NPR3: variants seen among roughly 807,000 people sequenced by gnomAD.
NPR3 encodes the protein natriuretic peptide receptor 3, also known as atrial natriuretic peptide receptor 3.
In NPR3, 34 loss-of-function variants were observed where a neutral mutation model predicts 54.5. The ratio of observed to expected loss-of-function variants is 0.62; its 90% CI spans 0.47 to 0.83. The LOEUF is 0.83. NPR3 is among the 40% of genes least tolerant of loss of function. The probability of loss-of-function intolerance (pLI) is 0.00; values close to 1 mark genes in which losing one functional copy is unlikely to be tolerated. For synonymous variants in NPR3, 289 were observed against 297.1 expected (o/e 0.97, Z 0.28); for missense variants, 674 against 720.8 (o/e 0.94, Z 0.74).
chr5:32,773,525 T>C (rs1741879320), intron 3 of NPR3, among the ~76,000 whole-genome samples: 1 of 152,132 alleles, frequency 6.6e-6, no homozygotes, highest in Admixed American at 6.5e-5. Flanking sequence ...GAGCAAAACA[T>C]TTGCACTTCC....
chr5:32,722,508 A>G (rs1738917531), intron 1 of NPR3, among the ~76,000 whole-genome samples: 1 of 152,206 alleles, frequency 6.6e-6, no homozygotes, highest in South Asian at 2.1e-4. Flanking sequence ...ACTTGCCCCT[A>G]AGCAATGACT....
chr5:32,767,143 C>T (rs1741515928), intron 3 of NPR3, among the ~76,000 whole-genome samples: 1 of 152,176 alleles, frequency 6.6e-6, no homozygotes, highest in Non-Finnish European at 1.5e-5. Flanking sequence ...GTAGAGCCAC[C>T]CAAGTATTGG....
Position 32,790,722 on chromosome 5 carries a change from C to T in NPR3, c.*4377C>T, listed in dbSNP as rs534742303. On this transcript the variant is annotated 3_prime_UTR_variant, in exon 8 of 8. Coordinates refer to ENST00000265074, the MANE Select transcript of NPR3 (RefSeq NM_001204375.2). ...ATTAACCACTAATGTTAATTCATAC[C>T]AAATGCAAAGTATTCTAAACCAGCT... is the stretch of plus-strand genomic sequence containing the variant. 1.0e-4 allele frequency: 17 copies of T among 166,862 alleles called. No homozygotes were observed. The highest frequency in any genetic ancestry group is 4.1e-4 in the African/African-American group (17 of 41,518). The allele number at this position is 166,862 out of a possible 1,614,324, so 10.3% of individuals were successfully genotyped here.
chr5:32,697,832 T>G (rs1350065411), intron 1 of NPR3, among the ~76,000 whole-genome samples: 1 of 152,150 alleles, frequency 6.6e-6, no homozygotes, highest in Non-Finnish European at 1.5e-5. Context: ...GTATTGATTG[T>G]AATGTCTCCT....
chr5:32,790,397 A>G lies in NPR3; in HGVS notation c.*4052A>G, dbSNP rs1300127600. 6.0e-6 allele frequency: 1 copy of G among 167,266 alleles called. No individual in the cohort carries two copies. The highest frequency in any genetic ancestry group is 1.5e-5 in the Non-Finnish European group (1 of 68,198). The allele number at this position is 167,266 out of a possible 1,614,324, so 10.4% of individuals were successfully genotyped here. On this transcript the variant is annotated 3_prime_UTR_variant, in exon 8 of 8. Transcript: ENST00000265074. ...AGCATCACTCCAAGGATGTGTCAGCATCTTGCCCATGCAGGTAGAAATTTG... is the reference window on the plus strand; with the variant it reads ...AGCATCACTCCAAGGATGTGTCAGCGTCTTGCCCATGCAGGTAGAAATTTG...
chr5:32,695,604 C>A (rs956240586), intron 1 of NPR3, among the ~76,000 whole-genome samples: 2 of 152,186 alleles, frequency 1.3e-5, no homozygotes, highest in Admixed American at 6.5e-5. Context: ...CCAACCTGTT[C>A]TCCATAGTGG....
chr5:32,732,969 C>T (rs760384357), intron 2 of NPR3, among the ~76,000 whole-genome samples: 7 of 152,082 alleles, frequency 4.6e-5, no homozygotes, highest in Non-Finnish European at 7.4e-5. Context: ...CTCAGCCTCC[C>T]GACTAGCTGG....
chr5:32,762,429 A>G (rs569297322), intron 3 of NPR3, among the ~76,000 whole-genome samples: 2 of 129,430 alleles, frequency 1.5e-5, no homozygotes, highest in African/African-American at 5.0e-5. Flanking sequence ...AGGCATTCCT[A>G]TTTCTCCACA....
upstream of NPR3, among the ~76,000 whole-genome samples, chr5:32,705,474 G>A (rs1049212350): frequency 6.6e-6 from 1 of 152,214 alleles, no homozygotes; most frequent in African/African-American, 2.4e-5. Flanking sequence ...TCAGCTTCTG[G>A]GGAGACCTCA....
intron 1 of NPR3, among the ~76,000 whole-genome samples, chr5:32,715,104 T>C (rs1476457140): frequency 4.6e-5 from 7 of 152,328 alleles, no homozygotes; most frequent in African/African-American, 1.7e-4. Context: ...GGTGAGGCCA[T>C]GCCATGGGAA....
chr5:32,717,373 T>A (rs1238508501), intron 1 of NPR3, among the ~76,000 whole-genome samples: 1 of 152,204 alleles, frequency 6.6e-6, no homozygotes, highest in Non-Finnish European at 1.5e-5. Context: ...TACCCAGTAA[T>A]GGGATTGCTG....
At chr5:32,732,930 T>C (rs1579623821) in intron 2 of NPR3, among the ~76,000 whole-genome samples, 1 of 152,266 alleles carries the variant, frequency 6.6e-6, no homozygotes, top group African/African-American at 2.4e-5. Context: ...CTGCAACCTC[T>C]GCCTCCTATG....
chr5:32,708,747 G>A (rs1738062425), upstream of NPR3, among the ~76,000 whole-genome samples: 1 of 152,154 alleles, frequency 6.6e-6, no homozygotes. Context: ...TTGATGGAAA[G>A]TAAACAAACC....
chr5:32,786,161 G>A (rs373823678), intron 7 of NPR3, 73 bp from the exon 8 acceptor site: 23 of 663,940 alleles, frequency 3.5e-5, no homozygotes, highest in Middle Eastern at 5.0e-4. Context: ...TCCCTTGAGG[G>A]CACTCTTTGT....
At chr5:32,713,600 C>T (rs1738385562) in intron 1 of NPR3, 1 of 496,638 alleles carries the variant, frequency 2.0e-6, no homozygotes, top group African/African-American at 2.1e-5. Context: ...GCAAAGCTCC[C>T]CGAGACCCCA....
chr5:32,695,999 T>C (rs1010385823), intron 1 of NPR3, among the ~76,000 whole-genome samples: 3 of 152,254 alleles, frequency 2.0e-5, no homozygotes, highest in Non-Finnish European at 2.9e-5. Context: ...GTTGTTTCCT[T>C]GGCTGTGCAG....
At position 32,766,400 on chromosome 5, in the gene NPR3, C is replaced by G. The variant is rs534778462; in HGVS notation, c.1060-8308C>G. On this transcript the variant is annotated intron_variant, in intron 3 of 7. Coordinates refer to ENST00000265074, the MANE Select transcript of NPR3 (RefSeq NM_001204375.2). ...CCAACCTCAATAGTGGTGGAGGCAA[C>G]TGGACTGCTCATGATTGTAGCATTA... Among the ~76,000 whole-genome samples the G allele has an allele frequency of 3.7e-3, 556 of 152,308 alleles. 1 individual carries two copies. Among genetic ancestry groups the G allele is most frequent in the Non-Finnish European group, 4.3e-3 (291 of 68,020 alleles).
intron 3 of NPR3, among the ~76,000 whole-genome samples, chr5:32,761,658 A>AT (rs375358280): frequency 1.6e-3 from 242 of 146,958 alleles, no homozygotes; most frequent in African/African-American, 5.2e-3. Flanking sequence ...TATAATTTCT[A>AT]TTTTTTTTTA....
At chr5:32,709,044 A>G (rs1469089175), upstream of NPR3, among the ~76,000 whole-genome samples, 1 of 151,908 alleles carries the variant, frequency 6.6e-6, no homozygotes, top group African/African-American at 2.4e-5. Context: ...CGGAGAGGCT[A>G]CGGGCACTCA....
Sources: gnomAD v4.1 joint callset for allele counts (sites outside exome capture counted in the v4.1 genomes callset) on GRCh38, gnomAD v4.1.1 for gene constraint, MANE v1.5 for transcripts, NCBI Gene and HGNC (gene_info 2026-07-23, HGNC 2026-07-21) for gene names.